The following AZIN2 variants were observed in gnomAD, a reference collection of about 807,000 sequenced individuals.
AZIN2 encodes ODC antizyme inhibitor-2.
Under a neutral mutation model 47.8 loss-of-function variants are expected in AZIN2, and 28 were observed. The ratio of observed to expected loss-of-function variants is 0.59; its 90% CI spans 0.43 to 0.80. The LOEUF (loss-of-function observed/expected upper bound fraction) is 0.80, where lower values mean the gene tolerates loss of function less well. Ranked by LOEUF, AZIN2 falls within the 30% of genes least tolerant of loss-of-function variation. The pLI is 0.00. For missense variants in AZIN2, 535 were observed against 582.5 expected (o/e 0.92, Z 0.84); for synonymous variants, 221 against 239.4 (o/e 0.92, Z 0.71).
At chr1:33,159,911 C>T in the AZIN2 span, 5 of 1,608,108 alleles carry the variant, frequency 3.1e-6, no homozygotes, top group Non-Finnish European at 2.5e-6. The surrounding 1 kb of genome is among the most constrained non-coding windows in gnomAD (Gnocchi z 4.2). Flanking sequence ...TCGAAGGCCT[C>T]GCCGATAGTG....
chr1:33,160,076 G>A, the AZIN2 span: 1 of 1,165,156 alleles, frequency 8.6e-7, no homozygotes, highest in Non-Finnish European at 1.2e-6. Context: ...TGGGGGAAAT[G>A]TCACATGCAA....
At chr1:33,149,037 G>A in the AZIN2 span, among the ~76,000 whole-genome samples, 2 of 152,126 alleles carry the variant, frequency 1.3e-5, no homozygotes, top group Non-Finnish European at 2.9e-5. Flanking sequence ...CCTCCTCTCT[G>A]CTTGTTGCAA....
At chr1:33,161,421 G>A in the AZIN2 span, among the ~76,000 whole-genome samples, 100 of 152,234 alleles carry the variant, frequency 6.6e-4, 1 homozygote, top group African/African-American at 2.3e-3. The surrounding 1 kb of genome is among the most constrained non-coding windows in gnomAD (Gnocchi z 4.3). Flanking sequence ...GGGAGTTCAT[G>A]GAGTCAGAAA....
chr1:33,082,482 G>T, intron 4 of AZIN2, 128 bp downstream of exon 4: 1 of 650,744 alleles, frequency 1.5e-6, no homozygotes, highest in Non-Finnish European at 2.6e-6. Context: ...CTATTTGCAA[G>T]AGAGGGGCTC....
rs146036411 is a variant in AZIN2 at position 33,103,121 on chromosome 1, A to G, written c.1029+4942A>G. ...CCATTAACTGGTTTTCCACCCCCAT[A>G]CTACTACCTGCTTACCACCCATTTT... On this transcript the variant is annotated intron_variant, in intron 10 of 11. Transcript: ENST00000294517. Among the ~76,000 whole-genome samples the G allele has an allele frequency of 9.1e-3, 1,386 of 152,032 alleles. 17 individuals are homozygous for G. The highest frequency in any genetic ancestry group is 0.013 in the Non-Finnish European group (898 of 67,986).
At chr1:33,088,253 G>A (rs1314809998) in intron 5 of AZIN2, among the ~76,000 whole-genome samples, 6 of 152,060 alleles carry the variant, frequency 3.9e-5, no homozygotes, top group South Asian at 2.1e-4. Context: ...CCCTTTCCCC[G>A]TCATGAAGGG....
At chr1:33,119,833 G>A (rs1008206038) in intron 11 of AZIN2, 5 of 604,516 alleles carry the variant, frequency 8.3e-6, no homozygotes, top group African/African-American at 1.9e-5. Context: ...GTAAATGCTC[G>A]ATACATGTGG....
Position 33,093,184 on chromosome 1 carries a change from G to A in AZIN2, c.453-98G>A, listed in dbSNP as rs185062222. 1.3e-4 allele frequency: 200 copies of A among 1,529,028 alleles called. No individual in the cohort carries two copies. The African/African-American group carries it at 2.6e-3, about 20-fold the overall frequency. 94.7% of individuals were successfully genotyped at this position (1,529,028 alleles called of 1,614,324 possible). A position where few individuals can be genotyped will look rare whatever the true frequency, so the allele number is the denominator to read the frequency against. ...GGTCAGGGAGCCTGTGGGGTTGGGT[G>A]GCTCTGAGCCATGTAGCTCACAGCC... On this transcript the variant is annotated intron_variant, in intron 6 of 11. Transcript: ENST00000294517.
chr1:33,114,227 G>A (rs1475692083), intron 10 of AZIN2, among the ~76,000 whole-genome samples: 2 of 147,960 alleles, frequency 1.4e-5, no homozygotes, highest in Non-Finnish European at 3.0e-5. Context: ...CAAATGATTC[G>A]CCTGTGTCAG....
chr1:33,119,769 T>G lies in AZIN2; in HGVS notation c.1245-275T>G, dbSNP rs1286971486. 4 of 511,772 alleles carry G rather than the reference T, an allele frequency of 7.8e-6. No homozygotes were observed. The East Asian group carries it at 1.4e-4, about 18-fold the overall frequency. 31.7% of individuals were successfully genotyped at this position (511,772 alleles called of 1,614,324 possible). On this transcript the variant is annotated intron_variant, in intron 11 of 11. Coordinates refer to ENST00000294517, the MANE Select transcript of AZIN2 (RefSeq NM_052998.4). ...ATGGTAATGCCTCCCTCATGGGGTTTTTGGGAAGATACAAATAGATAATAT... is the reference window on the plus strand; with the variant it reads ...ATGGTAATGCCTCCCTCATGGGGTTGTTGGGAAGATACAAATAGATAATAT...
At chr1:33,132,214 A>T in the AZIN2 span, among the ~76,000 whole-genome samples, 3 of 152,210 alleles carry the variant, frequency 2.0e-5, no homozygotes, top group Admixed American at 2.0e-4. Context: ...CTTACCCTCC[A>T]GCCACTATGT....
chr1:33,088,617 C>A (rs951065445), intron 5 of AZIN2, among the ~76,000 whole-genome samples: 1 of 152,246 alleles, frequency 6.6e-6, no homozygotes, highest in Admixed American at 6.5e-5. Context: ...CTGACCTCAT[C>A]GTCCTCACTG....
the AZIN2 span, chr1:33,159,668 C>A: frequency 6.3e-7 from 1 of 1,592,050 alleles, no homozygotes; most frequent in East Asian, 2.2e-5. The surrounding 1 kb of genome is among the most constrained non-coding windows in gnomAD (Gnocchi z 4.2). Flanking sequence ...CCGGGGAGGG[C>A]CCCGGCGGGT....
At chr1:33,100,407 GCCC>G in intron 10 of AZIN2, among the ~76,000 whole-genome samples, 1 of 151,864 alleles carries the variant, frequency 6.6e-6, no homozygotes, top group Non-Finnish European at 1.5e-5. Context: ...ACCATGCTTG[GCCC>G]TTTTTTGTGT....
the AZIN2 span, among the ~76,000 whole-genome samples, chr1:33,151,723 T>C: frequency 6.6e-6 from 1 of 152,178 alleles, no homozygotes; most frequent in African/African-American, 2.4e-5. Context: ...AGGTGTGTTG[T>C]CCATTCATTT....
rs1553167116 is a variant in AZIN2 at position 33,120,029 on chromosome 1, C to G, written c.1245-15C>G. The G allele has an allele frequency of 3.1e-6, 5 of 1,613,288 alleles. No individual in the cohort carries two copies. The highest frequency in any genetic ancestry group is 1.7e-4 in the Middle Eastern group (1 of 6,060). On this transcript the variant is annotated splice_polypyrimidine_tract_variant and intron_variant, in intron 11 of 11. Transcript: ENST00000294517. Reference sequence around the variant, plus strand: ...CCCATGCTGGCTACTTGCAGCACCCCTCTCTCACCCCTAGGGAAGCGCTGC... The same window carrying G: ...CCCATGCTGGCTACTTGCAGCACCCGTCTCTCACCCCTAGGGAAGCGCTGC...
At chr1:33,082,523 C>A in intron 4 of AZIN2, 169 bp downstream of exon 4, 1 of 556,164 alleles carries the variant, frequency 1.8e-6, no homozygotes. Flanking sequence ...TCCTTGCCCC[C>A]AAACCTGCCC....
intron 5 of AZIN2, among the ~76,000 whole-genome samples, chr1:33,088,827 T>C (rs865870817): frequency 2.0e-5 from 3 of 152,234 alleles, no homozygotes; most frequent in South Asian, 2.1e-4. Flanking sequence ...AGTTGTCCTT[T>C]GCCTCTCACA....
chr1:33,125,102 C>T (rs1239093380), downstream of AZIN2, among the ~76,000 whole-genome samples: 1 of 152,132 alleles, frequency 6.6e-6, no homozygotes, highest in Non-Finnish European at 1.5e-5. Flanking sequence ...CTCTGTTCAC[C>T]CCAGCTCAGA....
Sources: gnomAD v4.1 joint callset for allele counts (sites outside exome capture counted in the v4.1 genomes callset) on GRCh38, gnomAD v4.1.1 for gene constraint, Gnocchi (gnomAD v3.1) non-coding constraint, MANE v1.5 for transcripts, NCBI Gene and HGNC (gene_info 2026-07-23, HGNC 2026-07-21) for gene names.